The following RORB variants were observed in gnomAD, a reference collection of about 807,000 sequenced individuals.
The protein encoded by RORB is nuclear receptor ROR-beta.
A neutral mutation model predicts 59.1 loss-of-function variants in RORB; 6 were observed. The observed-to-expected ratio is 0.10, with a 90% CI of 0.06 to 0.20. The LOEUF (loss-of-function observed/expected upper bound fraction) is 0.20. Ranked by LOEUF, RORB falls within the 10% of genes least tolerant of loss-of-function variation. The probability of loss-of-function intolerance (pLI) is 1.00; values close to 1 mark genes in which losing one functional copy is unlikely to be tolerated. For missense variants in RORB, 320 were observed against 560.5 expected, an observed-to-expected ratio of 0.57 and a Z score of 4.33; for synonymous variants, 215 against 204.5, an observed-to-expected ratio of 1.05 and a Z score of -0.44.
chr9:74,654,181 A>G (rs797016602), intron 4 of RORB, among the ~76,000 whole-genome samples: 8 of 152,278 alleles, frequency 5.3e-5, no homozygotes, highest in African/African-American at 1.7e-4. Flanking sequence ...TTAAAACTCT[A>G]TTTACTTGTA....
At chr9:74,606,859 G>A (rs1823157688) in intron 1 of RORB, among the ~76,000 whole-genome samples, 1 of 152,116 alleles carries the variant, frequency 6.6e-6, no homozygotes, top group South Asian at 2.1e-4. Flanking sequence ...AGCAATAAAT[G>A]AACCAAACCT....
chr9:74,570,352 A>AT (rs1462857924), intron 1 of RORB, among the ~76,000 whole-genome samples: 1 of 152,116 alleles, frequency 6.6e-6, no homozygotes, highest in African/African-American at 2.4e-5. Context: ...TGATGCACCC[A>AT]TAAAAAAAGC....
intron 7 of RORB, among the ~76,000 whole-genome samples, chr9:74,667,046 C>G (rs1824279683): frequency 5.9e-5 from 9 of 152,212 alleles, no homozygotes; most frequent in Admixed American, 5.9e-4. Context: ...TGATACACAT[C>G]CATGTCATCT....
At chr9:74,510,978 G>A (rs1825929688) in intron 1 of RORB, among the ~76,000 whole-genome samples, 1 of 152,050 alleles carries the variant, frequency 6.6e-6, no homozygotes, top group South Asian at 2.1e-4. Context: ...ATACTCTTTA[G>A]CCCAGTAATT....
intron 1 of RORB, among the ~76,000 whole-genome samples, chr9:74,586,404 A>C (rs1822799999): frequency 2.0e-5 from 3 of 152,128 alleles, no homozygotes; most frequent in Admixed American, 6.5e-5. Context: ...AGGCTGAGGC[A>C]GGAGAATCAT....
intron 1 of RORB, among the ~76,000 whole-genome samples, chr9:74,518,809 T>C (rs182955698): frequency 6.6e-6 from 1 of 152,122 alleles, no homozygotes; most frequent in Non-Finnish European, 1.5e-5. Flanking sequence ...CTTAGAACCA[T>C]GTAATTCCAA....
At chr9:74,514,975 A>C (rs969769901) in intron 1 of RORB, among the ~76,000 whole-genome samples, 1 of 151,244 alleles carries the variant, frequency 6.6e-6, no homozygotes. Context: ...TGAATCCTCA[A>C]CTTCAACTCT....
chr9:74,623,414 T>C (rs1587390494), intron 1 of RORB, among the ~76,000 whole-genome samples: 1 of 151,274 alleles, frequency 6.6e-6, no homozygotes, highest in Middle Eastern at 3.4e-3. Flanking sequence ...TTCTGCCTTG[T>C]CAATTAGTGG....
chr9:74,617,911 G>C (rs753884690), intron 1 of RORB, among the ~76,000 whole-genome samples: 1 of 152,094 alleles, frequency 6.6e-6, no homozygotes, highest in Non-Finnish European at 1.5e-5. Context: ...TATCTCTAGA[G>C]ATGAAATAAG....
chr9:74,571,290 C>T (rs954412114), intron 1 of RORB, among the ~76,000 whole-genome samples: 3 of 151,748 alleles, frequency 2.0e-5, no homozygotes, highest in African/African-American at 7.3e-5. Context: ...TTCTAGACCT[C>T]TTTTAGAATA....
At chr9:74,551,643 A>G (rs1163065090) in intron 1 of RORB, among the ~76,000 whole-genome samples, 1 of 152,230 alleles carries the variant, frequency 6.6e-6, no homozygotes, top group Non-Finnish European at 1.5e-5. Flanking sequence ...TATATTGGAA[A>G]TTAATTTAGG....
chr9:74,685,579 G>A lies in RORB; in HGVS notation c.1341G>A (p.Lys447=). The A allele has an allele frequency of 6.2e-7, 1 of 1,610,470 alleles. No individual in the cohort carries two copies. Among genetic ancestry groups the A allele is most frequent in the Non-Finnish European group, 8.5e-7 (1 of 1,177,274 alleles). ...ATACACTGTTTCCTCCGTTATACAAGGAGCTCTTTAATCCTGACTGTGCCA... is the reference window on the plus strand; with the variant it reads ...ATACACTGTTTCCTCCGTTATACAAAGAGCTCTTTAATCCTGACTGTGCCA... The part of the protein sequence containing the change: ...IVNTLFPPLY[K]ELFNPDCATG... The change falls in exon 10 of 10, where the codon AAG becomes AAA. Residue 447 remains lysine (K), a synonymous_variant. Coordinates refer to ENST00000376896, the MANE Select transcript of RORB (RefSeq NM_006914.4).
intron 1 of RORB, among the ~76,000 whole-genome samples, chr9:74,558,806 C>T (rs1421757070): frequency 3.9e-5 from 6 of 152,148 alleles, no homozygotes; most frequent in Admixed American, 2.0e-4. Context: ...TGTTCAGGAG[C>T]TTTGCAATCT....
chr9:74,623,891 C>T lies in RORB; in HGVS notation c.8-6391C>T, dbSNP rs527267018. Reference sequence around the variant, plus strand: ...AATTCCTAAAGTATGAGTTCAAAGCCGCTACAACTTATAAAGTGATTTACT... The same window carrying T: ...AATTCCTAAAGTATGAGTTCAAAGCTGCTACAACTTATAAAGTGATTTACT... On this transcript the variant is annotated intron_variant, in intron 1 of 9. Transcript: ENST00000376896. 1.2e-3 allele frequency among the ~76,000 whole-genome samples: 185 copies of T among 152,214 alleles called. 2 individuals are homozygous for T. The highest frequency in any genetic ancestry group is 4.3e-3 in the African/African-American group (180 of 41,532).
chr9:74,555,567 A>G (rs1431957872), intron 1 of RORB, among the ~76,000 whole-genome samples: 1 of 152,218 alleles, frequency 6.6e-6, no homozygotes, highest in Admixed American at 6.5e-5. Flanking sequence ...AAAACTTTGC[A>G]TTCATCAAGT....
intron 1 of RORB, among the ~76,000 whole-genome samples, chr9:74,596,897 A>G (rs1822977419): frequency 6.6e-6 from 1 of 152,252 alleles, no homozygotes; most frequent in South Asian, 2.1e-4. Flanking sequence ...CTACCATATT[A>G]GAGAGTGCAG....
chr9:74,601,030 A>T (rs1465854419), intron 1 of RORB, among the ~76,000 whole-genome samples: 1 of 152,144 alleles, frequency 6.6e-6, no homozygotes, highest in Non-Finnish European at 1.5e-5. Flanking sequence ...TTACATTAGC[A>T]ATTACTATTT....
intron 5 of RORB, among the ~76,000 whole-genome samples, chr9:74,661,470 G>A (rs978503447): frequency 1.3e-5 from 2 of 151,884 alleles, no homozygotes; most frequent in African/African-American, 4.8e-5. Context: ...GGGAAACAAA[G>A]GCATTGTGTC....
intron 4 of RORB, among the ~76,000 whole-genome samples, chr9:74,652,163 T>C (rs942066515): frequency 6.6e-6 from 1 of 152,180 alleles, no homozygotes; most frequent in South Asian, 2.1e-4. Context: ...GTGGCTCACT[T>C]TGGGAGGCCG....
Sources: gnomAD v4.1 joint callset for allele counts (sites outside exome capture counted in the v4.1 genomes callset) on GRCh38, gnomAD v4.1.1 for gene constraint, MANE v1.5 for transcripts, NCBI Gene and HGNC (gene_info 2026-07-23, HGNC 2026-07-21) for gene names.